Variants in DPP6 observed in about 807,000 individuals in gnomAD.
DPP6 encodes the protein A-type potassium channel modulatory protein DPP6.
In DPP6, 69 loss-of-function variants were observed where a neutral mutation model predicts 122.6. That is an observed-to-expected ratio of 0.56 (90% CI 0.46 to 0.69). The LOEUF (loss-of-function observed/expected upper bound fraction) is 0.69. Ranked by LOEUF, DPP6 falls within the 30% of genes least tolerant of loss-of-function variation. The probability of loss-of-function intolerance (pLI) is 0.00; values close to 1 mark genes in which losing one functional copy is unlikely to be tolerated. For synonymous variants in DPP6, 418 were observed against 433.1 expected, an observed-to-expected ratio of 0.97 and a Z score of 0.43; for missense variants, 928 against 1,116.9, an observed-to-expected ratio of 0.83 and a Z score of 2.41.
At chr7:154,033,345 C>T (rs1272975059) in intron 1 of DPP6, among the ~76,000 whole-genome samples, 2 of 152,178 alleles carry the variant, frequency 1.3e-5, no homozygotes, top group East Asian at 3.8e-4. Flanking sequence ...TCTCTCTTTT[C>T]CTTTCTTTGC....
chr7:154,328,272 G>A (rs750873486), intron 1 of DPP6, among the ~76,000 whole-genome samples: 10 of 152,314 alleles, frequency 6.6e-5, no homozygotes, highest in Admixed American at 1.3e-4. Context: ...ATAGTCCAGC[G>A]CTGGAGGCAC....
chr7:153,847,947 A>G, the DPP6 span, among the ~76,000 whole-genome samples: 1 of 152,140 alleles, frequency 6.6e-6, no homozygotes, highest in Admixed American at 6.5e-5. Flanking sequence ...CCTAAAGCCA[A>G]CAGGCCTGTG....
At chr7:153,754,361 C>T in the DPP6 span, among the ~76,000 whole-genome samples, 3 of 152,142 alleles carry the variant, frequency 2.0e-5, no homozygotes, top group African/African-American at 4.8e-5. Context: ...TTTTTCAGCA[C>T]TTTAAAGATG....
At chr7:154,734,854 G>A (rs929491831) in intron 8 of DPP6, among the ~76,000 whole-genome samples, 2 of 152,206 alleles carry the variant, frequency 1.3e-5, no homozygotes, top group African/African-American at 4.8e-5. Flanking sequence ...AGCAGTATAT[G>A]CTCCATAAGG....
intron 1 of DPP6, among the ~76,000 whole-genome samples, chr7:154,183,238 C>A (rs1371545282): frequency 2.0e-5 from 3 of 152,190 alleles, no homozygotes; most frequent in African/African-American, 7.2e-5. Flanking sequence ...CTTTTCAGTG[C>A]ATGACTTTCA....
rs548388768 is a variant in DPP6, at chr7:154,760,180, T to C, written c.884-9237T>C. Among the ~76,000 whole-genome samples the C allele has an allele frequency of 6.6e-6, 1 of 152,322 alleles. No individual in the cohort carries two copies. The highest frequency in any genetic ancestry group is 6.5e-5 in the Admixed American group (1 of 15,300). Reference sequence around the variant, plus strand: ...GGCATCCAGCTCAACTCTGCCTCCCTGTGCTGGCTTCAAGGCAGTAATTTT... The same window carrying C: ...GGCATCCAGCTCAACTCTGCCTCCCCGTGCTGGCTTCAAGGCAGTAATTTT... On this transcript the variant is annotated intron_variant, in intron 8 of 25. Coordinates refer to ENST00000377770, the MANE Select transcript of DPP6 (RefSeq NM_130797.4). The surrounding 1 kb of genome is among the most constrained non-coding windows in gnomAD (Gnocchi z 4.5).
chr7:153,908,873 C>G (rs1307060599), intron 1 of DPP6, among the ~76,000 whole-genome samples: 1 of 152,174 alleles, frequency 6.6e-6, no homozygotes, highest in Non-Finnish European at 1.5e-5. Flanking sequence ...CCTGCCTCAG[C>G]CTCCTGAGTA....
At chr7:154,460,907 G>T (rs1243946317) in intron 2 of DPP6, among the ~76,000 whole-genome samples, 1 of 152,116 alleles carries the variant, frequency 6.6e-6, no homozygotes, top group Non-Finnish European at 1.5e-5. Context: ...ATTATTGACT[G>T]TAGTCACATT....
At chr7:154,355,968 T>C (rs1811241133) in intron 1 of DPP6, among the ~76,000 whole-genome samples, 1 of 152,228 alleles carries the variant, frequency 6.6e-6, no homozygotes, top group Admixed American at 6.5e-5. Flanking sequence ...TCCATGAATG[T>C]GATGTACTCC....
At chr7:154,078,946 CAAAA>C (rs67950621) in intron 1 of DPP6, among the ~76,000 whole-genome samples, 3,746 of 112,590 alleles carry the variant, frequency 0.033, 70 homozygotes, top group African/African-American at 0.064. Flanking sequence ...CATTCTTTTC[CAAAA>C]AAAAAAAAAA....
chr7:154,297,374 A>G (rs1443395786), intron 1 of DPP6, among the ~76,000 whole-genome samples: 2 of 152,172 alleles, frequency 1.3e-5, no homozygotes, highest in African/African-American at 4.8e-5. Flanking sequence ...TTTATTCACA[A>G]AATAAGAAGG....
Position 154,540,986 on chromosome 7 carries a change from G to T in DPP6, c.552+360G>T, listed in dbSNP as rs10274072. On this transcript the variant is annotated intron_variant, in intron 4 of 25. Coordinates refer to ENST00000377770, the MANE Select transcript of DPP6 (RefSeq NM_130797.4). ...GCTCAATCCTGTTTAAAAAAAGCTC[G>T]TCTCCGCATGCATAGGAAGTATTAA... 6.0e-3 allele frequency among the ~76,000 whole-genome samples: 906 copies of T among 152,224 alleles called. 6 individuals are homozygous for T. Among genetic ancestry groups the T allele is most frequent in the African/African-American group, 0.02 (840 of 41,520 alleles).
intron 8 of DPP6, among the ~76,000 whole-genome samples, chr7:154,743,568 T>G (rs995255239): frequency 2.0e-5 from 3 of 152,222 alleles, no homozygotes; most frequent in African/African-American, 7.2e-5. Flanking sequence ...TTAACAAAAG[T>G]CTGCCAGGGC....
At chr7:154,729,949 C>T (rs1288097253) in intron 8 of DPP6, among the ~76,000 whole-genome samples, 1 of 152,110 alleles carries the variant, frequency 6.6e-6, no homozygotes, top group Non-Finnish European at 1.5e-5. Context: ...AATGGTGTGC[C>T]CGGAGATGTC....
Position 154,012,541 on chromosome 7 carries a change from G to T in DPP6, c.51+124807G>T, listed in dbSNP as rs560454174. Among the ~76,000 whole-genome samples, 1,230 of 152,208 alleles carry T rather than the reference G, an allele frequency of 8.1e-3. 20 individuals are homozygous for T. Among genetic ancestry groups the T allele is most frequent in the African/African-American group, 0.028 (1,153 of 41,534 alleles). The stretch of plus-strand genomic sequence containing the variant: ...AATGAAAAGACAATTCATAGAATGG[G>T]AGAACACTTTTGCAAATTGAATATC... On this transcript the variant is annotated intron_variant, in intron 1 of 25. Coordinates refer to the DPP6 transcript ENST00000404039.
intron 1 of DPP6, among the ~76,000 whole-genome samples, chr7:154,036,981 A>T (rs148869738): frequency 0.01 from 1,531 of 149,506 alleles, no homozygotes; most frequent in African/African-American, 0.037. Context: ...GCAAAAGGAA[A>T]TTAAGAAATC....
At chr7:153,871,355 C>T in the DPP6 span, among the ~76,000 whole-genome samples, 4 of 152,170 alleles carry the variant, frequency 2.6e-5, no homozygotes, top group Non-Finnish European at 4.4e-5. Flanking sequence ...CAATGGTGGG[C>T]GCCCCTCCCC....
chr7:154,720,079 G>C (rs1299714974), intron 7 of DPP6, among the ~76,000 whole-genome samples: 1 of 152,242 alleles, frequency 6.6e-6, no homozygotes, highest in African/African-American at 2.4e-5. Flanking sequence ...GTCTGTGACG[G>C]AGAGAGATTG....
chr7:154,137,658 TGGGG>T (rs1163077821), intron 1 of DPP6, among the ~76,000 whole-genome samples: 1 of 48,418 alleles, frequency 2.1e-5, no homozygotes, highest in East Asian at 8.6e-4. Flanking sequence ...GGTGGGGGGG[TGGGG>T]GGGGTGGGGC....
Sources: gnomAD v4.1 joint callset for allele counts (sites outside exome capture counted in the v4.1 genomes callset) on GRCh38, gnomAD v4.1.1 for gene constraint, Gnocchi (gnomAD v3.1) non-coding constraint, MANE v1.5 for transcripts, NCBI Gene and HGNC (gene_info 2026-07-23, HGNC 2026-07-21) for gene names.